SCN10A: variants seen among roughly 807,000 people sequenced by gnomAD.
SCN10A encodes sodium channel protein type 10 subunit alpha.
A neutral mutation model predicts 170.7 loss-of-function variants in SCN10A; 162 were observed. The ratio of observed to expected loss-of-function variants is 0.95; its 90% confidence interval spans 0.84 to 1.08. The LOEUF (loss-of-function observed/expected upper bound fraction) is 1.08, where lower values mean the gene tolerates loss of function less well. SCN10A is among the 50% of genes least tolerant of loss of function. The pLI is 0.00. For missense variants in SCN10A, 2,527 were observed against 2,436.9 expected (o/e 1.04, Z -0.78); for synonymous variants, 985 against 904.6 (o/e 1.09, Z -1.59).
In SCN10A at chr3:38,771,383, G is replaced by A. The variant is rs774855939; in HGVS notation, c.495C>T (p.Thr165=). 1.9e-6 allele frequency: 3 copies of A among 1,613,920 alleles called. No individual in the cohort carries two copies. Among genetic ancestry groups the A allele is most frequent in the African/African-American group, 1.3e-5 (1 of 74,920 alleles). Residue 165 remains threonine (T), a synonymous_variant, in exon 5 of 28, where the codon ACC becomes ACT. Transcript: ENST00000449082. ...CCAGTATCTTTATCAAGGCTTCAAAGGTGTAAATGACAGTGAAGACATATC... is the reference window on the plus strand; with the variant it reads ...CCAGTATCTTTATCAAGGCTTCAAAAGTGTAAATGACAGTGAAGACATATC... ...KIEYVFTVIY[T]FEALIKILAR...
At chr3:38,722,717 C>T (rs1054781542) in intron 19 of SCN10A, among the ~76,000 whole-genome samples, 4 of 152,140 alleles carry the variant, frequency 2.6e-5, no homozygotes, top group East Asian at 1.9e-4. Flanking sequence ...AGACAAGCTA[C>T]GGCGTATGAG....
In SCN10A at chr3:38,756,824, T is replaced by A. The variant is rs1057523742; in HGVS notation, c.1140A>T (p.Val380=). The change falls in exon 10 of 28, where the codon GTA becomes GTT. Residue 380 remains valine, a synonymous_variant. Transcript: ENST00000449082. The part of the protein sequence containing the change: ...GKIYMIFFVL[V]IFLGSFYLVN... ...CCAGGTAGAAAGATCCCAGGAAGATTACGAGCACAAAAAAGATCATATAGA... is the reference window on the plus strand; with the variant it reads ...CCAGGTAGAAAGATCCCAGGAAGATAACGAGCACAAAAAAGATCATATAGA... 1.2e-6 allele frequency: 2 copies of A among 1,614,142 alleles called. No homozygotes were observed. The highest frequency in any genetic ancestry group is 2.2e-5 in the South Asian group (2 of 91,076).
At position 38,697,668 on chromosome 3, in the gene SCN10A, T is replaced by C. The variant is rs1422649645; in HGVS notation, c.5552A>G (p.Glu1851Gly). 7 of 1,614,192 alleles carry C rather than the reference T, an allele frequency of 4.3e-6. No individual in the cohort carries two copies. Among genetic ancestry groups the C allele is most frequent in the Non-Finnish European group, 5.9e-6 (7 of 1,180,028 alleles). ...TTGAATGACAGTGGCTGAAATGTCT[T>C]CTTGCTTCCATCGGAGAGTGGTTGC... ...PIATTLRWKQ[E>G]DISATVIQKA... The change falls in exon 28 of 28, where the codon GAA (glutamate) becomes GGA (glycine). Residue 1851 changes from glutamate to glycine, a missense_variant. Coordinates refer to ENST00000449082, the MANE Select transcript of SCN10A (RefSeq NM_006514.4).
chr3:38,795,327 GT>G (rs2064332653), intron 1 of SCN10A, among the ~76,000 whole-genome samples: 1 of 142,484 alleles, frequency 7.0e-6, no homozygotes, highest in African/African-American at 2.6e-5. Flanking sequence ...TGTCTTTTTT[GT>G]TTTTTTCTTT....
chr3:38,741,304 A>G (rs1357060455), intron 14 of SCN10A, among the ~76,000 whole-genome samples: 2 of 152,022 alleles, frequency 1.3e-5, no homozygotes, highest in Non-Finnish European at 2.9e-5. Flanking sequence ...ACACACACAC[A>G]CACACACACA....
chr3:38,729,159 G>T (rs928633996), intron 15 of SCN10A, among the ~76,000 whole-genome samples: 4 of 152,104 alleles, frequency 2.6e-5, no homozygotes, highest in African/African-American at 9.7e-5. Flanking sequence ...TACTGGGGTG[G>T]TGGCCTTGCG....
chr3:38,701,082 A>G (rs2063151685), intron 27 of SCN10A, among the ~76,000 whole-genome samples: 1 of 152,206 alleles, frequency 6.6e-6, no homozygotes, highest in Admixed American at 6.5e-5. Context: ...AAGGATAATA[A>G]CACCTGCTTG....
At chr3:38,763,978 T>C (rs2063904570) in intron 5 of SCN10A, among the ~76,000 whole-genome samples, 1 of 152,164 alleles carries the variant, frequency 6.6e-6, no homozygotes, top group Non-Finnish European at 1.5e-5. Context: ...TTGAGGTCTC[T>C]GACATCTCCT....
chr3:38,789,630 C>T (rs58883392), intron 3 of SCN10A, among the ~76,000 whole-genome samples: 16,097 of 151,938 alleles, frequency 0.11, 925 homozygotes, highest in South Asian at 0.19. Flanking sequence ...TGGGTAGGAA[C>T]GGTGGAGGCA....
intron 18 of SCN10A, among the ~76,000 whole-genome samples, chr3:38,723,989 C>T (rs2063425816): frequency 6.6e-6 from 1 of 152,182 alleles, no homozygotes. Flanking sequence ...TCAGGCCCCT[C>T]CTGCCTAGCC....
rs2063567359 is a variant in SCN10A, at chr3:38,736,962, C to CTTTTTTTTTTTTT, written c.2280+2552_2280+2553insAAAAAAAAAAAAA. Among the ~76,000 whole-genome samples the CTTTTTTTTTTTTT allele has an allele frequency of 3.8e-4, 26 of 69,250 alleles. 2 individuals are homozygous for CTTTTTTTTTTTTT. Among genetic ancestry groups the CTTTTTTTTTTTTT allele is most frequent in the African/African-American group, 1.1e-3 (21 of 19,098 alleles). The allele number at this position is 69,250 out of a possible 152,430, so 45.4% of individuals were successfully genotyped here. A position where few individuals can be genotyped will look rare whatever the true frequency, so the allele number is the denominator to read the frequency against. ...CTTCCCCAAGTGTAGCAGAAATGTT[C>CTTTTTTTTTTTTT]GTTTTTTTTTTTTTTTTTTTTTTTT... On this transcript the variant is annotated intron_variant, in intron 15 of 27. Coordinates refer to ENST00000449082, the MANE Select transcript of SCN10A (RefSeq NM_006514.4).
intron 20 of SCN10A, among the ~76,000 whole-genome samples, chr3:38,719,937 G>A (rs1039369287): frequency 6.6e-6 from 1 of 152,202 alleles, no homozygotes; most frequent in Admixed American, 6.5e-5. Context: ...TGATGGCTTC[G>A]CTGGGCTGGA....
In SCN10A at chr3:38,697,252, G is replaced by T. The variant is rs1482321188; in HGVS notation, c.*97C>A. The T allele has an allele frequency of 2.6e-6, 4 of 1,533,874 alleles. No homozygotes were observed. Among genetic ancestry groups the T allele is most frequent in the Admixed American group, 3.8e-5 (2 of 52,486 alleles). The stretch of plus-strand genomic sequence containing the variant: ...ACATTGTGACCAGTGGCATGCATTG[G>T]TGAGGCTGTAGCTGGGTGTGATCTG... On this transcript the variant is annotated 3_prime_UTR_variant, in exon 28 of 28. Coordinates refer to ENST00000449082, the MANE Select transcript of SCN10A (RefSeq NM_006514.4).
intron 20 of SCN10A, among the ~76,000 whole-genome samples, chr3:38,719,604 G>A (rs556212440): frequency 7.9e-5 from 12 of 151,658 alleles, no homozygotes; most frequent in South Asian, 2.1e-4. Context: ...CGTTTTAGCC[G>A]GGATGGTCTC....
chr3:38,728,095 C>T (rs1292259972), intron 16 of SCN10A, among the ~76,000 whole-genome samples: 3 of 152,192 alleles, frequency 2.0e-5, no homozygotes, highest in Admixed American at 2.0e-4. Context: ...TGGGGAAGGA[C>T]ATTTTTCCTT....
At chr3:38,766,403 T>C (rs973748957) in intron 5 of SCN10A, among the ~76,000 whole-genome samples, 3 of 152,170 alleles carry the variant, frequency 2.0e-5, no homozygotes, top group African/African-American at 7.2e-5. Context: ...CCTTGGAGTA[T>C]GTCCCTTCTA....
Position 38,697,200 on chromosome 3 carries a change from A to C in SCN10A, c.*149T>G, listed in dbSNP as rs1011565245. 1 of 1,266,300 alleles carries C rather than the reference A, an allele frequency of 7.9e-7. No homozygotes were observed. Among genetic ancestry groups the C allele is most frequent in the Non-Finnish European group, 1.1e-6 (1 of 934,034 alleles). 78.4% of individuals were successfully genotyped at this position (1,266,300 alleles called of 1,614,324 possible). ...TATGATGGTTTTTTCAAAGGTGGTT[A>C]CCAGTTGCATTCCCTGCCCAGTTCT... On this transcript the variant is annotated 3_prime_UTR_variant, in exon 28 of 28. Transcript: ENST00000449082.
At chr3:38,804,430 A>G (rs13080911) in intron 1 of SCN10A, among the ~76,000 whole-genome samples, 17,674 of 152,144 alleles carry the variant, frequency 0.12, 1,175 homozygotes, top group Middle Eastern at 0.2. Context: ...TTCATTATTT[A>G]TCTCCTTCAG....
At chr3:38,765,210 G>A (rs778156878) in intron 5 of SCN10A, among the ~76,000 whole-genome samples, 3 of 152,134 alleles carry the variant, frequency 2.0e-5, no homozygotes, top group Non-Finnish European at 2.9e-5. Context: ...CAGCTTTTTA[G>A]TTTAATTAGA....
Sources: gnomAD v4.1 joint callset for allele counts (sites outside exome capture counted in the v4.1 genomes callset) on GRCh38, gnomAD v4.1.1 for gene constraint, MANE v1.5 for transcripts, NCBI Gene and HGNC (gene_info 2026-07-23, HGNC 2026-07-21) for gene names.